Variants in SRSF9 observed in about 807,000 individuals in gnomAD.
SRSF9 encodes the protein serine and arginine rich splicing factor 9.
SRSF9 carries 3 observed loss-of-function variants against 25.9 expected under a neutral mutation model. The observed-to-expected ratio is 0.12, with a 90% CI of 0.05 to 0.30. The LOEUF (loss-of-function observed/expected upper bound fraction) is 0.30, where lower values mean the gene tolerates loss of function less well. SRSF9 is among the 10% of genes least tolerant of loss of function. SRSF9 has a pLI of 1.00. For synonymous variants in SRSF9, 114 were observed against 113.2 expected, an observed-to-expected ratio of 1.01 and a Z score of -0.05; for missense variants, 161 against 303.5, an observed-to-expected ratio of 0.53 and a Z score of 3.49.
chr12:120,468,569 G>A (rs1442914462), intron 1 of SRSF9, among the ~76,000 whole-genome samples: 1 of 152,194 alleles, frequency 6.6e-6, no homozygotes, highest in Non-Finnish European at 1.5e-5. Flanking sequence ...GACACCCTAC[G>A]AACATTCCGC....
In SRSF9 at chr12:120,461,853, C is replaced by G. The variant is rs1214793794; in HGVS notation, c.*166G>C. ...AATTTCTGCAGTTTAAAATGTTTCA[C>G]TGCTAATATGGCCCTGGTAGAAATT... On this transcript the variant is annotated 3_prime_UTR_variant, in exon 4 of 4. Transcript: ENST00000229390. The G allele has an allele frequency of 2.9e-6, 2 of 678,810 alleles. No individual in the cohort carries two copies. The highest frequency in any genetic ancestry group is 4.4e-6 in the Non-Finnish European group (2 of 456,996). 42.0% of individuals were successfully genotyped at this position (678,810 alleles called of 1,614,324 possible). A position where few individuals can be genotyped will look rare whatever the true frequency, so the allele number is the denominator to read the frequency against.
chr12:120,463,775 A>G (rs1878420074), intron 3 of SRSF9, 175 bp downstream of exon 3: 1 of 636,368 alleles, frequency 1.6e-6, no homozygotes, highest in Non-Finnish European at 2.6e-6. Context: ...TACTTCTTTC[A>G]GCTATGACCC....
chr12:120,464,225 C>G, intron 2 of SRSF9, 103 bp from the exon 3 acceptor site: 1 of 1,315,624 alleles, frequency 7.6e-7, no homozygotes. Context: ...TCACTTAAAT[C>G]CTGAGGGTCC....
In SRSF9 at chr12:120,469,675, C is replaced by A; in HGVS notation, c.-66G>T. ...GCCGCCGCCGCCTCAGCACGGGTCC[C>A]CCCGCAGCGTCCCCGCGGGCTCCGA... is the stretch of plus-strand genomic sequence containing the variant. On this transcript the variant is annotated 5_prime_UTR_variant, in exon 1 of 4. Transcript: ENST00000229390. The A allele has an allele frequency of 7.5e-6, 8 of 1,063,292 alleles. No homozygotes were observed. The East Asian group carries it at 2.3e-4, about 31-fold the overall frequency. The allele number at this position is 1,063,292 out of a possible 1,614,324, so 65.9% of individuals were successfully genotyped here.
At chr12:120,468,220 C>T (rs1878533047) in intron 1 of SRSF9, among the ~76,000 whole-genome samples, 1 of 151,314 alleles carries the variant, frequency 6.6e-6, no homozygotes, top group Admixed American at 6.6e-5. Context: ...ATCACCTGAG[C>T]TCAGGAGTTC....
intron 1 of SRSF9, 85 bp from the exon 2 acceptor site, chr12:120,465,872 G>A: frequency 7.5e-7 from 1 of 1,328,960 alleles, no homozygotes; most frequent in Non-Finnish European, 1.0e-6. Context: ...AGGGGCATGA[G>A]TAGTAAGCAT....
intron 2 of SRSF9, chr12:120,465,423 T>C (rs1878460443): frequency 4.4e-6 from 2 of 450,820 alleles, no homozygotes; most frequent in Non-Finnish European, 7.5e-6. Flanking sequence ...ATGGTTATGT[T>C]CTTCCAAGGC....
chr12:120,462,954 G>A (rs1257114033), intron 3 of SRSF9: 1 of 152,214 alleles, frequency 6.6e-6, no homozygotes, highest in Non-Finnish European at 1.5e-5. Context: ...TCAAGTCCTA[G>A]AGGACAGTCT....
chr12:120,462,552 A>G (rs1878378147), intron 3 of SRSF9: 1 of 164,346 alleles, frequency 6.1e-6, no homozygotes, highest in African/African-American at 2.4e-5. Flanking sequence ...GCATCTTTGG[A>G]TGGGCATCTA....
chr12:120,465,701 C>A lies in SRSF9; in HGVS notation c.275G>T (p.Gly92Val), dbSNP rs1878466808. ...LRVEFPRTYGGRGGWPRGGRN... is the reference protein window; with the variant it reads ...LRVEFPRTYGVRGGWPRGGRN... Reference sequence around the variant, plus strand: ...CCCACCACGGGGCCACCCACCCCGACCTCCATAAGTCCTGGGGAACTCCAC... The same window carrying A: ...CCCACCACGGGGCCACCCACCCCGAACTCCATAAGTCCTGGGGAACTCCAC... Residue 92 changes from glycine to valine, a missense_variant, in exon 2 of 4, where the codon GGT (glycine) becomes GTT (valine). Physicochemically the swap from Gly to Val is moderately radical, Grantham distance 109 (BLOSUM62 -3). This residue lies in a region of SRSF9 where 99 missense variants were observed against 156.7 expected (regional missense o/e 0.63). Transcript: ENST00000229390. The A allele has an allele frequency of 6.2e-7, 1 of 1,604,766 alleles. No individual in the cohort carries two copies. The highest frequency in any genetic ancestry group is 1.8e-5 in the Admixed American group (1 of 57,108).
At chr12:120,462,198 A>G (rs746615588) in intron 3 of SRSF9, 36 bp from the exon 4 acceptor site, 48 of 1,572,620 alleles carry the variant, frequency 3.1e-5, no homozygotes, top group African/African-American at 4.1e-5. Flanking sequence ...AGTAAAGGGG[A>G]AAAAAATCAG....
intron 2 of SRSF9, 172 bp from the exon 3 acceptor site, chr12:120,464,294 G>A (rs1878433657): frequency 1.4e-6 from 1 of 704,482 alleles, no homozygotes; most frequent in East Asian, 2.9e-5. Context: ...AAGTATGTGT[G>A]GTAAATGAAC....
intron 3 of SRSF9, 53 bp downstream of exon 3, chr12:120,463,897 G>A: frequency 6.4e-7 from 1 of 1,554,204 alleles, no homozygotes; most frequent in Non-Finnish European, 8.7e-7. Context: ...GCTAGGTCAG[G>A]TTCAAGTGGA....
At position 120,469,675 on chromosome 12, in the gene SRSF9, C is replaced by G. The variant is rs1295095437; in HGVS notation, c.-66G>C. ...GCCGCCGCCGCCTCAGCACGGGTCCCCCCGCAGCGTCCCCGCGGGCTCCGA... is the reference window on the plus strand; with the variant it reads ...GCCGCCGCCGCCTCAGCACGGGTCCGCCCGCAGCGTCCCCGCGGGCTCCGA... On this transcript the variant is annotated 5_prime_UTR_variant, in exon 1 of 4. Coordinates refer to ENST00000229390, the MANE Select transcript of SRSF9 (RefSeq NM_003769.3). The G allele has an allele frequency of 1.9e-6, 2 of 1,063,182 alleles. No individual in the cohort carries two copies. The highest frequency in any genetic ancestry group is 4.6e-5 in the Admixed American group (1 of 21,840). The allele number at this position is 1,063,182 out of a possible 1,614,324, so 65.9% of individuals were successfully genotyped here.
Position 120,461,996 on chromosome 12 carries a change from A to C in SRSF9, c.*23T>G, listed in dbSNP as rs780370849. 2 of 1,586,848 alleles carry C rather than the reference A, an allele frequency of 1.3e-6. No individual in the cohort carries two copies. The highest frequency in any genetic ancestry group is 2.3e-5 in the South Asian group (2 of 87,098). ...GCAGCTCAGTTAACCTAAAAAATAA[A>C]GAAAAAATTCCCATCACCTGTCTCA... On this transcript the variant is annotated 3_prime_UTR_variant, in exon 4 of 4. Transcript: ENST00000229390.
In SRSF9 at chr12:120,461,747, A is replaced by G. The variant is rs1878345206; in HGVS notation, c.*272T>C. 1 of 285,594 alleles carries G rather than the reference A, an allele frequency of 3.5e-6. No homozygotes were observed. The highest frequency in any genetic ancestry group is 6.5e-6 in the Non-Finnish European group (1 of 153,622). 17.7% of individuals were successfully genotyped at this position (285,594 alleles called of 1,614,324 possible). A position where few individuals can be genotyped will look rare whatever the true frequency, so the allele number is the denominator to read the frequency against. ...CAGTAACTGTTGATCTCCATAGTAG[A>G]GCAACCCACAAAGACAGAACTGATT... On this transcript the variant is annotated 3_prime_UTR_variant, in exon 4 of 4. Coordinates refer to ENST00000229390, the MANE Select transcript of SRSF9 (RefSeq NM_003769.3).
Position 120,469,574 on chromosome 12 carries a change from G to C in SRSF9, c.36C>G (p.Gly12=). 1.3e-6 allele frequency: 2 copies of C among 1,554,786 alleles called. No individual in the cohort carries two copies. The highest frequency in any genetic ancestry group is 8.7e-7 in the Non-Finnish European group (1 of 1,154,692). Residue 12 remains glycine, a synonymous_variant, in exon 1 of 4, where the codon GGC becomes GGG. Transcript: ENST00000229390. ...GGTTCCCCACGTAGATGCGCCCGTC[G>C]CCCTCGCCGCCGCGCTCGTCCGCCC... is the stretch of plus-strand genomic sequence containing the variant. ...SGWADERGGE[G]DGRIYVGNLP...
chr12:120,466,450 T>C (rs1878483912), intron 1 of SRSF9, among the ~76,000 whole-genome samples: 1 of 152,034 alleles, frequency 6.6e-6, no homozygotes, highest in African/African-American at 2.4e-5. Context: ...GCCTGGGTAA[T>C]ATAGTGAGAC....
chr12:120,469,588 G>C lies in SRSF9; in HGVS notation c.22C>G (p.Arg8Gly), dbSNP rs1878588721. 6.5e-7 allele frequency: 1 copy of C among 1,533,760 alleles called. No individual in the cohort carries two copies. Residue 8 changes from arginine (R) to glycine (G), a missense_variant, in exon 1 of 4, where the codon CGC becomes GGC. Transcript: ENST00000229390. MSGWADE[R>G]GGEGDGRIYV... ...ATGCGCCCGTCGCCCTCGCCGCCGC[G>C]CTCGTCCGCCCAGCCCGACATCCGC...
Sources: allele counts gnomAD v4.1 joint callset (sites outside exome capture counted in the v4.1 genomes callset), GRCh38; gene constraint gnomAD v4.1.1; regional missense constraint gnomAD v4.1.1; transcripts MANE v1.5; gene names NCBI Gene and HGNC (gene_info 2026-07-23, HGNC 2026-07-21).